Variants in ELOVL7 observed in about 807,000 individuals in gnomAD.
ELOVL7 encodes the protein ELOVL fatty acid elongase 7, also known as very long chain fatty acid elongase 7.
ELOVL7 carries 27 observed loss-of-function variants against 35.7 expected under a neutral mutation model. The observed-to-expected ratio is 0.76, with a 90% CI of 0.56 to 1.04. ELOVL7 has a LOEUF of 1.04. ELOVL7 is among the 50% of genes least tolerant of loss of function. ELOVL7 has a pLI of 0.00. For synonymous variants in ELOVL7, 113 were observed against 114.6 expected, an observed-to-expected ratio of 0.99 and a Z score of 0.09; for missense variants, 327 against 340.8, an observed-to-expected ratio of 0.96 and a Z score of 0.32.
chr5:60,763,225 C>G (rs1287124724), intron 7 of ELOVL7, among the ~76,000 whole-genome samples: 1 of 152,166 alleles, frequency 6.6e-6, no homozygotes, highest in Non-Finnish European at 1.5e-5. Context: ...GCCATGGTAG[C>G]GACAGCTGTT....
intron 7 of ELOVL7, among the ~76,000 whole-genome samples, chr5:60,760,133 T>C (rs567925503): frequency 1.3e-5 from 2 of 152,360 alleles, no homozygotes; most frequent in African/African-American, 2.4e-5. Context: ...GCATGATTTA[T>C]AGTCCTTTGG....
intron 3 of ELOVL7, among the ~76,000 whole-genome samples, chr5:60,785,320 A>G (rs1161041791): frequency 6.6e-6 from 1 of 152,234 alleles, no homozygotes; most frequent in Non-Finnish European, 1.5e-5. Context: ...ATTCCTAATA[A>G]AAATTAAGGA....
chr5:60,815,675 C>A (rs560086140), intron 1 of ELOVL7, among the ~76,000 whole-genome samples: 1 of 152,284 alleles, frequency 6.6e-6, no homozygotes, highest in South Asian at 2.1e-4. Flanking sequence ...TCAAGCAATT[C>A]TCCTGCCTCA....
At chr5:60,824,286 G>A (rs903017620) in intron 1 of ELOVL7, among the ~76,000 whole-genome samples, 6 of 152,216 alleles carry the variant, frequency 3.9e-5, no homozygotes, top group Admixed American at 1.3e-4. Flanking sequence ...GGTTATCACA[G>A]TTGAGTCACA....
At chr5:60,770,162 A>G (rs1426768729) in intron 4 of ELOVL7, among the ~76,000 whole-genome samples, 1 of 152,194 alleles carries the variant, frequency 6.6e-6, no homozygotes, top group Non-Finnish European at 1.5e-5. Flanking sequence ...AGTAAATGAG[A>G]GTCAGAAACT....
At chr5:60,830,057 C>G (rs770834492) in intron 1 of ELOVL7, among the ~76,000 whole-genome samples, 1 of 152,174 alleles carries the variant, frequency 6.6e-6, no homozygotes, top group East Asian at 1.9e-4. Context: ...CTACGTGAGG[C>G]CTGGCTGACA....
intron 1 of ELOVL7, among the ~76,000 whole-genome samples, chr5:60,835,376 C>T (rs1194058966): frequency 6.6e-6 from 1 of 151,764 alleles, no homozygotes; most frequent in Admixed American, 6.6e-5. Flanking sequence ...AAGGCAAGCT[C>T]AGGATATTTT....
intron 1 of ELOVL7, among the ~76,000 whole-genome samples, chr5:60,837,411 C>T (rs575524294): frequency 1.3e-5 from 2 of 150,988 alleles, no homozygotes; most frequent in Middle Eastern, 3.4e-3. Context: ...GAGCCAAGAT[C>T]ACAACATTGC....
intron 1 of ELOVL7, among the ~76,000 whole-genome samples, chr5:60,826,917 T>C (rs543701105): frequency 1.3e-5 from 2 of 152,188 alleles, no homozygotes; most frequent in Admixed American, 1.3e-4. Context: ...GTTAGCAGAC[T>C]GTATTTGTAT....
At chr5:60,803,083 C>T (rs1744737738) in intron 1 of ELOVL7, among the ~76,000 whole-genome samples, 2 of 152,208 alleles carry the variant, frequency 1.3e-5, no homozygotes, top group Non-Finnish European at 2.9e-5. Flanking sequence ...CAATCCTCCT[C>T]CAGAGGCCCT....
chr5:60,783,947 C>T, intron 3 of ELOVL7: 1 of 556,980 alleles, frequency 1.8e-6, no homozygotes, highest in South Asian at 2.5e-5. Flanking sequence ...ATGAGTAGAG[C>T]CATGATAGAA....
chr5:60,776,461 A>G (rs1742910427), intron 3 of ELOVL7, among the ~76,000 whole-genome samples: 1 of 152,254 alleles, frequency 6.6e-6, no homozygotes, highest in South Asian at 2.1e-4. Context: ...AAAGACATGT[A>G]ATCAACCTAG....
At chr5:60,812,059 G>C (rs1057500704) in intron 1 of ELOVL7, among the ~76,000 whole-genome samples, 1 of 151,970 alleles carries the variant, frequency 6.6e-6, no homozygotes, top group Non-Finnish European at 1.5e-5. Context: ...CTACAAAATT[G>C]TTTTTAAAAA....
intron 1 of ELOVL7, among the ~76,000 whole-genome samples, chr5:60,835,711 C>A (rs1406529289): frequency 2.0e-5 from 3 of 152,072 alleles, no homozygotes; most frequent in South Asian, 4.1e-4. Flanking sequence ...CTGCACCCAG[C>A]CATCTTTCTG....
intron 3 of ELOVL7, among the ~76,000 whole-genome samples, chr5:60,777,378 A>C (rs1290424386): frequency 6.6e-6 from 1 of 151,386 alleles, no homozygotes; most frequent in Admixed American, 6.6e-5. Flanking sequence ...TTACCCGCAA[A>C]AATTAAAAAA....
chr5:60,828,296 T>C (rs1279357466), intron 1 of ELOVL7, among the ~76,000 whole-genome samples: 1 of 152,148 alleles, frequency 6.6e-6, no homozygotes, highest in Admixed American at 6.5e-5. Flanking sequence ...AAAATTATAA[T>C]AGGAATAAAT....
intron 3 of ELOVL7, among the ~76,000 whole-genome samples, chr5:60,783,591 T>C (rs1216853923): frequency 6.6e-6 from 1 of 152,176 alleles, no homozygotes; most frequent in African/African-American, 2.4e-5. Flanking sequence ...AAAAGTTGGA[T>C]AGCAGGGGAT....
intron 1 of ELOVL7, among the ~76,000 whole-genome samples, chr5:60,807,158 A>G (rs1308254453): frequency 6.6e-6 from 1 of 151,924 alleles, no homozygotes; most frequent in African/African-American, 2.4e-5. Flanking sequence ...TAACAATCCT[A>G]ATTTTGTTTT....
chr5:60,838,457 C>T (rs1746961056), intron 1 of ELOVL7, among the ~76,000 whole-genome samples: 1 of 152,210 alleles, frequency 6.6e-6, no homozygotes, highest in South Asian at 2.1e-4. Flanking sequence ...TTGTCTATAA[C>T]TCACATGGAC....
Sources: allele counts gnomAD v4.1 joint callset (sites outside exome capture counted in the v4.1 genomes callset), GRCh38; gene constraint gnomAD v4.1.1; transcripts MANE v1.5; gene names NCBI Gene and HGNC (gene_info 2026-07-23, HGNC 2026-07-21).